MTUS1: variants seen among roughly 807,000 people sequenced by gnomAD.
MTUS1 encodes the protein microtubule-associated tumor suppressor 1.
Under a neutral mutation model 120.8 loss-of-function variants are expected in MTUS1, and 109 were observed. That is an observed-to-expected ratio of 0.90 (90% CI 0.77 to 1.06). MTUS1 has a LOEUF of 1.06. Among genes scored for constraint, MTUS1 ranks in the 50% least tolerant of loss-of-function variants. The pLI, the probability that MTUS1 is intolerant of heterozygous loss-of-function variation, is 0.00. For synonymous variants in MTUS1, 737 were observed against 550.5 expected (o/e 1.34, Z -4.74); for missense variants, 2,210 against 1,486.3 (o/e 1.49, Z -8.01).
At chr8:17,725,105 C>G (rs2046128835) in intron 3 of MTUS1, among the ~76,000 whole-genome samples, 1 of 152,104 alleles carries the variant, frequency 6.6e-6, no homozygotes, top group South Asian at 2.1e-4. Flanking sequence ...TTGGAATCAT[C>G]TTTTCTTCCC....
At chr8:17,794,805 G>T (rs561017091) in intron 1 of MTUS1, among the ~76,000 whole-genome samples, 4 of 152,194 alleles carry the variant, frequency 2.6e-5, no homozygotes, top group Non-Finnish European at 4.4e-5. Flanking sequence ...TGACACAGAG[G>T]TCAGGGGAAG....
In MTUS1 at chr8:17,645,249, T is replaced by A. The variant is rs1206993416; in HGVS notation, c.*677A>T. 1 of 152,598 alleles carries A rather than the reference T, an allele frequency of 6.6e-6. No homozygotes were observed. The highest frequency in any genetic ancestry group is 1.5e-5 in the Non-Finnish European group (1 of 68,012). 9.5% of individuals were successfully genotyped at this position (152,598 alleles called of 1,614,324 possible). ...AGTTACCCCCAAAAGATACAGAGAA[T>A]GTATAGACAGGGACAAGTCAAAGCT... is the stretch of plus-strand genomic sequence containing the variant. On this transcript the variant is annotated 3_prime_UTR_variant, in exon 15 of 15. Coordinates refer to ENST00000693296, the MANE Select transcript of MTUS1 (RefSeq NM_001363059.2).
chr8:17,735,527 C>A (rs1369279701), intron 3 of MTUS1, among the ~76,000 whole-genome samples: 1 of 152,236 alleles, frequency 6.6e-6, no homozygotes, highest in Non-Finnish European at 1.5e-5. Context: ...TCCAGGCATG[C>A]TGACTCTGGC....
intron 1 of MTUS1, among the ~76,000 whole-genome samples, chr8:17,767,466 G>C (rs571795844): frequency 8.6e-5 from 13 of 151,644 alleles, no homozygotes; most frequent in Admixed American, 5.3e-4. Flanking sequence ...GGAGTCCAAG[G>C]CAGGAGGATT....
At chr8:17,710,562 C>T (rs991010382) in intron 6 of MTUS1, among the ~76,000 whole-genome samples, 1 of 152,370 alleles carries the variant, frequency 6.6e-6, no homozygotes, top group Admixed American at 6.5e-5. Context: ...ACTTCCTCCA[C>T]TGAAGCACTG....
intron 8 of MTUS1, among the ~76,000 whole-genome samples, chr8:17,661,017 T>C (rs1302630502): frequency 3.9e-5 from 6 of 152,180 alleles, no homozygotes; most frequent in Non-Finnish European, 7.3e-5. Flanking sequence ...TAGTGAAAGA[T>C]AGTGATGGTC....
intron 8 of MTUS1, among the ~76,000 whole-genome samples, chr8:17,657,230 C>G (rs1036326421): frequency 1.3e-5 from 2 of 151,656 alleles, no homozygotes; most frequent in Non-Finnish European, 2.9e-5. Flanking sequence ...CTTAAAAGCA[C>G]CCACATAGGC....
intron 6 of MTUS1, among the ~76,000 whole-genome samples, chr8:17,694,971 C>G (rs1478863092): frequency 6.6e-6 from 1 of 152,100 alleles, no homozygotes; most frequent in Non-Finnish European, 1.5e-5. Flanking sequence ...TGGTCACCAG[C>G]AGAATCAAGG....
At chr8:17,778,314 G>T in intron 1 of MTUS1, among the ~76,000 whole-genome samples, 1 of 152,126 alleles carries the variant, frequency 6.6e-6, no homozygotes. Flanking sequence ...TAATATTCTG[G>T]AAAGGCAAAT....
At position 17,724,116 on chromosome 8, in the gene MTUS1, G is replaced by C. The variant is rs1387269802; in HGVS notation, c.2288-283C>G. 3 of 533,246 alleles carry C rather than the reference G, an allele frequency of 5.6e-6. No individual in the cohort carries two copies. In the African/African-American group the frequency reaches 5.7e-5, roughly 10 times the overall value. 33.0% of individuals were successfully genotyped at this position (533,246 alleles called of 1,614,324 possible). A position where few individuals can be genotyped will look rare whatever the true frequency, so the allele number is the denominator to read the frequency against. On this transcript the variant is annotated intron_variant, in intron 3 of 14. Coordinates refer to ENST00000693296, the MANE Select transcript of MTUS1 (RefSeq NM_001363059.2). ...AATTAACTCACACATGTTCTCTGAA[G>C]GAGATGATCAATCAGAATAATCATG... is the stretch of plus-strand genomic sequence containing the variant.
chr8:17,691,158 ATTAC>A (rs542724341), intron 6 of MTUS1: 26 of 152,326 alleles, frequency 1.7e-4, no homozygotes, highest in Non-Finnish European at 3.2e-4. Context: ...ACCGTAATTT[ATTAC>A]TTACTTTCCA....
chr8:17,720,770 T>G (rs1349610640), intron 4 of MTUS1, among the ~76,000 whole-genome samples: 1 of 152,200 alleles, frequency 6.6e-6, no homozygotes, highest in Non-Finnish European at 1.5e-5. Flanking sequence ...AAACTGGATA[T>G]TAGGTATCTG....
intron 1 of MTUS1, among the ~76,000 whole-genome samples, chr8:17,782,558 C>G (rs906898971): frequency 2.6e-5 from 4 of 152,170 alleles, no homozygotes; most frequent in African/African-American, 9.7e-5. Flanking sequence ...AATGTTTTAA[C>G]AGTGAAGTTT....
chr8:17,723,798 A>T lies in MTUS1; in HGVS notation c.2323T>A (p.Trp775Arg). 1 of 1,605,360 alleles carries T rather than the reference A, an allele frequency of 6.2e-7. No individual in the cohort carries two copies. The highest frequency in any genetic ancestry group is 8.5e-7 in the Non-Finnish European group (1 of 1,175,266). Residue 775 changes from tryptophan to arginine, a missense_variant, in exon 4 of 15, where the codon TGG (tryptophan) becomes AGG (arginine). Coordinates refer to ENST00000693296, the MANE Select transcript of MTUS1 (RefSeq NM_001363059.2). ...PTSLKTAQSS[W>R]VNLPRPLPKS... Reference sequence around the variant, plus strand: ...GGAAGTGGTCTAGGCAAATTCACCCATGACGACTGTGCAGTTTTCAAGGAT... The same window carrying T: ...GGAAGTGGTCTAGGCAAATTCACCCTTGACGACTGTGCAGTTTTCAAGGAT...
At position 17,675,228 on chromosome 8, in the gene MTUS1, T is replaced by C; in HGVS notation, c.2863A>G (p.Lys955Glu). The C allele has an allele frequency of 6.2e-7, 1 of 1,614,166 alleles. No homozygotes were observed. Among genetic ancestry groups the C allele is most frequent in the Non-Finnish European group, 8.5e-7 (1 of 1,180,020 alleles). ...SEREEALKQH[K>E]TLSQELVNLR... ...TTAACAAGTTCTTGAGATAGGGTTT[T>C]GTGTTGTTTCAGTGCTTCCTCCCGC... The change falls in exon 8 of 15, where the codon AAA becomes GAA. Residue 955 changes from lysine to glutamate, a missense_variant. Physicochemically the swap from Lys to Glu is moderately conservative, Grantham distance 56 (BLOSUM62 1). Coordinates refer to ENST00000693296, the MANE Select transcript of MTUS1 (RefSeq NM_001363059.2).
intron 7 of MTUS1, among the ~76,000 whole-genome samples, chr8:17,681,161 T>C (rs1814401656): frequency 1.3e-5 from 2 of 152,158 alleles, no homozygotes; most frequent in African/African-American, 4.8e-5. Flanking sequence ...CTCGAACTTC[T>C]GACCTCAGGT....
chr8:17,787,982 G>A (rs183739452), intron 1 of MTUS1, among the ~76,000 whole-genome samples: 7 of 152,300 alleles, frequency 4.6e-5, no homozygotes, highest in East Asian at 3.9e-4. Flanking sequence ...TTAGCTGGGC[G>A]TGGTGGTGGG....
chr8:17,646,457 A>T (rs747937036), intron 14 of MTUS1, among the ~76,000 whole-genome samples: 10 of 152,068 alleles, frequency 6.6e-5, no homozygotes, highest in Non-Finnish European at 1.5e-4. Context: ...GCATGGTGAC[A>T]TGTGCCTGTA....
chr8:17,748,804 T>C (rs113862492), intron 2 of MTUS1, among the ~76,000 whole-genome samples: 6 of 152,302 alleles, frequency 3.9e-5, no homozygotes, highest in African/African-American at 1.4e-4. Context: ...TATTACCCAC[T>C]GCACTAGGCA....
Sources: gnomAD v4.1 joint callset for allele counts (sites outside exome capture counted in the v4.1 genomes callset) on GRCh38, gnomAD v4.1.1 for gene constraint, MANE v1.5 for transcripts, NCBI Gene and HGNC (gene_info 2026-07-23, HGNC 2026-07-21) for gene names.